The following HOXB6 variants were observed in gnomAD, a reference collection of about 807,000 sequenced individuals.
HOXB6 encodes homeobox B6.
HOXB6 carries 18 observed loss-of-function variants against 24.2 expected under a neutral mutation model. The ratio of observed to expected loss-of-function variants is 0.74; its 90% CI spans 0.51 to 1.10. The LOEUF is 1.10. HOXB6 is among the 50% of genes least tolerant of loss of function. The pLI, the probability that HOXB6 is intolerant of heterozygous loss-of-function variation, is 0.00. For missense variants in HOXB6, 332 were observed against 308.3 expected (o/e 1.08, Z -0.58); for synonymous variants, 159 against 139.1 (o/e 1.14, Z -1.01).
At chr17:48,598,971 C>A (rs1456127540) in intron 2 of HOXB6, among the ~76,000 whole-genome samples, 1 of 152,158 alleles carries the variant, frequency 6.6e-6, no homozygotes, top group East Asian at 1.9e-4. Flanking sequence ...CAAGCTTCCC[C>A]TTCTGACTCT....
At position 48,597,928 on chromosome 17, in the gene HOXB6, C is replaced by G. The variant is rs1242966482; in HGVS notation, c.223G>C (p.Gly75Arg). The stretch of plus-strand genomic sequence containing the variant: ...TCGCGGTAGAAGGCCGGCGCCGGCC[C>G]GTAGTCGCAGGGCGCCGCTCGGCCG... ...GYGRAAPCDY[G>R]PAPAFYREKE... The change falls in exon 3 of 4, where the codon GGG (glycine) becomes CGG (arginine). Residue 75 changes from glycine (G) to arginine (R), a missense_variant. Coordinates refer to ENST00000225648, the MANE Select transcript of HOXB6 (RefSeq NM_018952.5). The G allele has an allele frequency of 2.5e-6, 4 of 1,574,362 alleles. No homozygotes were observed. The highest frequency in any genetic ancestry group is 2.6e-6 in the Non-Finnish European group (3 of 1,160,260).
rs779605276 is a variant in HOXB6 at position 48,598,129 on chromosome 17, A to G, written c.22T>C (p.Ser8Pro). 22 of 1,592,286 alleles carry G rather than the reference A, an allele frequency of 1.4e-5. No individual in the cohort carries two copies. The highest frequency in any genetic ancestry group is 1.6e-5 in the Non-Finnish European group (19 of 1,165,418). MSSYFVN[S>P]TFPVTLASGQ... ...CTGGCCAGAGTGACGGGGAAGGTGG[A>G]GTTCACGAAATAGGAACTCATTGGG... Residue 8 changes from serine to proline, a missense_variant, in exon 3 of 4, where the codon TCC (serine) becomes CCC (proline). Physicochemically the swap from Ser to Pro is moderately conservative, Grantham distance 74 (BLOSUM62 -1). Coordinates refer to ENST00000225648, the MANE Select transcript of HOXB6 (RefSeq NM_018952.5).
rs886583770 is a variant in HOXB6 at position 48,604,611 on chromosome 17, T to C, written c.-210A>G. The C allele has an allele frequency of 6.6e-6, 1 of 152,622 alleles. No homozygotes were observed. The highest frequency in any genetic ancestry group is 6.5e-5 in the Admixed American group (1 of 15,278). The allele number at this position is 152,622 out of a possible 1,614,324, so 9.5% of individuals were successfully genotyped here. ...ACGTGAGAGCCGTTGCTTCCCCTTC[T>C]CTGACTTGGGAGAGAGGGTGTTTCA... On this transcript the variant is annotated 5_prime_UTR_variant, in exon 2 of 4. Coordinates refer to ENST00000225648, the MANE Select transcript of HOXB6 (RefSeq NM_018952.5).
At chr17:48,604,248 C>T (rs891471325) in intron 2 of HOXB6, 1 of 152,218 alleles carries the variant, frequency 6.6e-6, no homozygotes, top group Non-Finnish European at 1.5e-5. Context: ...AGCTGGTCTC[C>T]TGGCCCTCTT....
intron 2 of HOXB6, chr17:48,601,661 A>C (rs115857129): frequency 0.014 from 2,303 of 160,678 alleles, 77 homozygotes; most frequent in African/African-American, 0.053. Context: ...GCGCCGAAAG[A>C]GGGTGAGGGC....
chr17:48,603,149 A>G (rs945780668), intron 2 of HOXB6, among the ~76,000 whole-genome samples: 1 of 152,274 alleles, frequency 6.6e-6, no homozygotes, highest in African/African-American at 2.4e-5. Context: ...GTCTTAAGAA[A>G]GAGAAAAGCA....
In HOXB6 at chr17:48,598,392, C is replaced by T. The variant is rs2070374725; in HGVS notation, c.-78-164G>A. ...GAGCGCAGCCCGCACGAGGGACCCG[C>T]GCACAAACCTATCAACCTTTTTTTT... On this transcript the variant is annotated intron_variant, in intron 2 of 3. Transcript: ENST00000225648. 2.4e-5 allele frequency: 11 copies of T among 461,292 alleles called. 1 individual carries two copies. The South Asian group carries it at 5.0e-4, about 21-fold the overall frequency. 28.6% of individuals were successfully genotyped at this position (461,292 alleles called of 1,614,324 possible). A position where few individuals can be genotyped will look rare whatever the true frequency, so the allele number is the denominator to read the frequency against.
At position 48,596,257 on chromosome 17, in the gene HOXB6, C is replaced by T; in HGVS notation, c.*156G>A. 1 of 1,150,988 alleles carries T rather than the reference C, an allele frequency of 8.7e-7. No individual in the cohort carries two copies. The highest frequency in any genetic ancestry group is 1.2e-5 in the South Asian group (1 of 80,256). The allele number at this position is 1,150,988 out of a possible 1,614,324, so 71.3% of individuals were successfully genotyped here. On this transcript the variant is annotated 3_prime_UTR_variant, in exon 4 of 4. Transcript: ENST00000225648. The surrounding 1 kb of genome is among the most constrained non-coding windows in gnomAD (Gnocchi z 4.8). ...GAGCACCCGCCGGGAGCTGTGCGGGCGGGGGCGTCCAGGAGAGCGCTGGGC... is the reference window on the plus strand; with the variant it reads ...GAGCACCCGCCGGGAGCTGTGCGGGTGGGGGCGTCCAGGAGAGCGCTGGGC...
In HOXB6 at chr17:48,597,990, G is replaced by A. The variant is rs1181881580; in HGVS notation, c.161C>T (p.Ala54Val). 1.9e-6 allele frequency: 3 copies of A among 1,591,372 alleles called. No individual in the cohort carries two copies. Among genetic ancestry groups the A allele is most frequent in the Admixed American group, 1.8e-5 (1 of 56,890 alleles). The change falls in exon 3 of 4, where the codon GCC (alanine) becomes GTC (valine). Residue 54 changes from alanine (A) to valine (V), a missense_variant. By Grantham distance (64) the Ala-to-Val change is moderately conservative. Transcript: ENST00000225648. ...GPGPGQDKGF[A>V]TSSYYPPAGG... ...CGCCGGCGGGTAATAGGAGGAAGTG[G>A]CAAAGCCCTTGTCCTGGCCCGGCCC...
chr17:48,599,067 C>G (rs2070393573), intron 2 of HOXB6, among the ~76,000 whole-genome samples: 2 of 152,208 alleles, frequency 1.3e-5, no homozygotes, highest in Admixed American at 1.3e-4. Flanking sequence ...CAGCTGCTCA[C>G]CCTTGGCAGG....
intron 2 of HOXB6, among the ~76,000 whole-genome samples, chr17:48,603,071 T>A (rs2070507873): frequency 6.6e-6 from 1 of 152,158 alleles, no homozygotes; most frequent in Non-Finnish European, 1.5e-5. Context: ...ATATCCCCAC[T>A]TCCAAAACGC....
At position 48,604,911 on chromosome 17, in the gene HOXB6, G is replaced by A. The variant is rs1459605897; in HGVS notation, c.-264C>T. ...TTTGCTCTATCGAGCTGATACTGAA[G>A]TACAAAAATATCAAGAGGCTGGAGC... On this transcript the variant is annotated 5_prime_UTR_variant, in exon 1 of 4. Coordinates refer to ENST00000225648, the MANE Select transcript of HOXB6 (RefSeq NM_018952.5). 1 of 151,336 alleles carries A rather than the reference G, an allele frequency of 6.6e-6. No homozygotes were observed. Among genetic ancestry groups the A allele is most frequent in the Admixed American group, 6.6e-5 (1 of 15,108 alleles). The allele number at this position is 151,336 out of a possible 1,614,324, so 9.4% of individuals were successfully genotyped here. A position where few individuals can be genotyped will look rare whatever the true frequency, so the allele number is the denominator to read the frequency against.
At position 48,596,387 on chromosome 17, in the gene HOXB6, G is replaced by A. The variant is rs1291243925; in HGVS notation, c.*26C>T. 6.2e-7 allele frequency: 1 copy of A among 1,614,102 alleles called. No homozygotes were observed. The highest frequency in any genetic ancestry group is 1.7e-5 in the Admixed American group (1 of 60,028). On this transcript the variant is annotated 3_prime_UTR_variant, in exon 4 of 4. Coordinates refer to ENST00000225648, the MANE Select transcript of HOXB6 (RefSeq NM_018952.5). The surrounding 1 kb of genome is among the most constrained non-coding windows in gnomAD (Gnocchi z 4.8). ...CGGCTCCCCACAGGCCTTTCCCCTCGCGTCCTCCCTCCCTTTCCAGCACCT... is the reference window on the plus strand; with the variant it reads ...CGGCTCCCCACAGGCCTTTCCCCTCACGTCCTCCCTCCCTTTCCAGCACCT...
Position 48,596,495 on chromosome 17 carries a change from C to A in HOXB6, c.593G>T (p.Arg198Leu). The A allele has an allele frequency of 1.2e-6, 2 of 1,614,246 alleles. No homozygotes were observed. The highest frequency in any genetic ancestry group is 8.5e-7 in the Non-Finnish European group (1 of 1,180,052). The change falls in exon 4 of 4, where the codon CGC becomes CTC. Residue 198 changes from arginine to leucine, a missense_variant. By Grantham distance (102) the Arg-to-Leu change is moderately radical. Coordinates refer to ENST00000225648, the MANE Select transcript of HOXB6 (RefSeq NM_018952.5). The surrounding 1 kb of genome is among the most constrained non-coding windows in gnomAD (Gnocchi z 4.8). ...TTTGCTCTCCTTTTTCCACTTCATG[C>A]GTCGGTTCTGGAACCATATCTTGAT... Reference protein sequence around the residue: ...RQIKIWFQNRRMKWKKESKLL... With the variant: ...RQIKIWFQNRLMKWKKESKLL...
At position 48,596,438 on chromosome 17, in the gene HOXB6, T is replaced by C; in HGVS notation, c.650A>G (p.Glu217Gly). ...LLSASQLSAE[E>G]EEEKQAE ...TCACTCGGCCTGTTTTTCTTCCTCC[T>C]CCTCGGCACTGAGCTGAGACGCGCT... The change falls in exon 4 of 4, where the codon GAG becomes GGG. Residue 217 changes from glutamate (E) to glycine (G), a missense_variant. Coordinates refer to ENST00000225648, the MANE Select transcript of HOXB6 (RefSeq NM_018952.5). This position sits in a 1 kb window ranked among gnomAD's most constrained non-coding sequence, Gnocchi z 4.8. 1 of 1,614,234 alleles carries C rather than the reference T, an allele frequency of 6.2e-7. No homozygotes were observed. Among genetic ancestry groups the C allele is most frequent in the Non-Finnish European group, 8.5e-7 (1 of 1,180,042 alleles).
chr17:48,597,025 A>AT, intron 3 of HOXB6: 1 of 1,190,028 alleles, frequency 8.4e-7, no homozygotes, highest in Non-Finnish European at 1.1e-6. Context: ...CCAATGATAA[A>AT]TCCAGGCCGT....
Position 48,596,405 on chromosome 17 carries a change from C to T in HOXB6, c.*8G>A, listed in dbSNP as rs2070292281. 1 of 1,614,256 alleles carries T rather than the reference C, an allele frequency of 6.2e-7. No individual in the cohort carries two copies. Among genetic ancestry groups the T allele is most frequent in the South Asian group, 1.1e-5 (1 of 91,088 alleles). On this transcript the variant is annotated 3_prime_UTR_variant, in exon 4 of 4. Transcript: ENST00000225648. This position sits in a 1 kb window ranked among gnomAD's most constrained non-coding sequence, Gnocchi z 4.8. ...TCCCCTCGCGTCCTCCCTCCCTTTC[C>T]AGCACCTTCACTCGGCCTGTTTTTC...
intron 2 of HOXB6, among the ~76,000 whole-genome samples, chr17:48,600,026 C>G (rs998243324): frequency 6.6e-6 from 1 of 152,180 alleles, no homozygotes; most frequent in Admixed American, 6.5e-5. Flanking sequence ...GGCAAAATAG[C>G]CATCCCTAGA....
rs1296316984 is a variant in HOXB6, at chr17:48,595,823, A to G, written c.*590T>C. The G allele has an allele frequency of 4.4e-6, 1 of 228,892 alleles. No individual in the cohort carries two copies. The highest frequency in any genetic ancestry group is 1.3e-4 in the East Asian group (1 of 7,888). 14.2% of individuals were successfully genotyped at this position (228,892 alleles called of 1,614,324 possible). On this transcript the variant is annotated 3_prime_UTR_variant, in exon 4 of 4. Transcript: ENST00000225648. ...TATTATTATCATCATCATCATCATC[A>G]TCATCATCGAAGTATTTCACGTCCA... is the stretch of plus-strand genomic sequence containing the variant.
Sources: allele counts gnomAD v4.1 joint callset (sites outside exome capture counted in the v4.1 genomes callset), GRCh38; gene constraint gnomAD v4.1.1; non-coding constraint Gnocchi (gnomAD v3.1); transcripts MANE v1.5; gene names NCBI Gene and HGNC (gene_info 2026-07-23, HGNC 2026-07-21).